CALCRL: variants seen among roughly 807,000 people sequenced by gnomAD.
CALCRL encodes calcitonin receptor like receptor.
CALCRL carries 27 observed loss-of-function variants against 60.4 expected under a neutral mutation model. The observed-to-expected ratio is 0.45, with a 90% CI of 0.33 to 0.62. The LOEUF (loss-of-function observed/expected upper bound fraction) is 0.62. Ranked by LOEUF, CALCRL falls within the 20% of genes least tolerant of loss-of-function variation. The pLI, the probability that CALCRL is intolerant of heterozygous loss-of-function variation, is 0.03. For synonymous variants in CALCRL, 190 were observed against 182.6 expected (o/e 1.04, Z -0.33); for missense variants, 424 against 540.7 (o/e 0.78, Z 2.14).
chr2:187,358,723 G>T (rs2105721591), intron 12 of CALCRL, among the ~76,000 whole-genome samples: 1 of 152,166 alleles, frequency 6.6e-6, no homozygotes, highest in South Asian at 2.1e-4. Context: ...TGTGGTTTTG[G>T]CAGTGGTTGT....
intron 1 of CALCRL, among the ~76,000 whole-genome samples, chr2:187,426,634 T>C (rs1690147012): frequency 6.6e-6 from 1 of 152,068 alleles, no homozygotes; most frequent in Non-Finnish European, 1.5e-5. Flanking sequence ...TTCACTGATA[T>C]ATATTAGATT....
chr2:187,383,438 A>G, intron 4 of CALCRL, 133 bp from the exon 5 acceptor site: 1 of 611,562 alleles, frequency 1.6e-6, no homozygotes, highest in Non-Finnish European at 2.6e-6. Flanking sequence ...CGCTCTAGGG[A>G]AAAAACCCCA....
intron 1 of CALCRL, among the ~76,000 whole-genome samples, chr2:187,410,724 A>G (rs967509251): frequency 1.3e-5 from 2 of 152,136 alleles, no homozygotes; most frequent in Non-Finnish European, 2.9e-5. Flanking sequence ...GAAGAATGTT[A>G]AGGATGAAGA....
chr2:187,416,071 GTAT>G (rs1689592062), intron 1 of CALCRL, among the ~76,000 whole-genome samples: 1 of 152,082 alleles, frequency 6.6e-6, no homozygotes, highest in Non-Finnish European at 1.5e-5. Flanking sequence ...CAGGTATAAA[GTAT>G]TATTGAAAAA....
intron 1 of CALCRL, among the ~76,000 whole-genome samples, chr2:187,434,843 G>C (rs1690562595): frequency 6.6e-6 from 1 of 152,166 alleles, no homozygotes; most frequent in Non-Finnish European, 1.5e-5. Context: ...GAAGAAGCAA[G>C]TCTTCAAAGA....
chr2:187,387,671 C>T lies in CALCRL; in HGVS notation c.-207G>A, dbSNP rs1688264011. On this transcript the variant is annotated 5_prime_UTR_variant, in exon 2 of 15. It adds an upstream start codon to the 5' untranslated region. Coordinates refer to ENST00000392370, the MANE Select transcript of CALCRL (RefSeq NM_005795.6). ...TTTAATTTCCCAATACTTACATGCA[C>T]AATTGTCTCCAGTCTCAAATCACAT... 2.5e-6 allele frequency: 1 copy of T among 396,752 alleles called. No homozygotes were observed. The highest frequency in any genetic ancestry group is 4.4e-6 in the Non-Finnish European group (1 of 225,112). The allele number at this position is 396,752 out of a possible 1,614,324, so 24.6% of individuals were successfully genotyped here.
chr2:187,421,787 A>G (rs1326823429), intron 1 of CALCRL, among the ~76,000 whole-genome samples: 1 of 152,190 alleles, frequency 6.6e-6, no homozygotes, highest in Admixed American at 6.5e-5. Flanking sequence ...GCTCCAAACC[A>G]GTTCAGTGTC....
chr2:187,346,093 T>G lies in CALCRL; in HGVS notation c.*91A>C. 1 of 728,154 alleles carries G rather than the reference T, an allele frequency of 1.4e-6. No homozygotes were observed. The highest frequency in any genetic ancestry group is 2.3e-6 in the Non-Finnish European group (1 of 442,650). 45.1% of individuals were successfully genotyped at this position (728,154 alleles called of 1,614,324 possible). On this transcript the variant is annotated 3_prime_UTR_variant, in exon 15 of 15. Transcript: ENST00000392370. ...TTCTTTATGACATTCAAAAAGTCAT[T>G]TAATATTGAAGTCTTCTGGCTACAG...
intron 1 of CALCRL, among the ~76,000 whole-genome samples, chr2:187,435,579 A>G (rs1479705282): frequency 6.6e-6 from 1 of 152,144 alleles, no homozygotes; most frequent in African/African-American, 2.4e-5. Flanking sequence ...TCTTAATTAT[A>G]AAGGTTTTTG....
At chr2:187,353,032 A>G (rs185637563) in intron 12 of CALCRL, among the ~76,000 whole-genome samples, 1 of 152,006 alleles carries the variant, frequency 6.6e-6, no homozygotes, top group African/African-American at 2.4e-5. Context: ...AAGAGACAGT[A>G]GTTTCTTTGG....
At chr2:187,379,189 C>T (rs1035719658) in intron 7 of CALCRL, among the ~76,000 whole-genome samples, 158 bp from the exon 8 acceptor site, 6 of 152,024 alleles carry the variant, frequency 3.9e-5, no homozygotes, top group Non-Finnish European at 7.4e-5. Context: ...CCAATAAATA[C>T]TTGAACGTGT....
In CALCRL at chr2:187,385,698, CAG is replaced by C. The variant is rs1435530034; in HGVS notation, c.-36-69_-36-68del. 1.1e-5 allele frequency: 9 copies of C among 789,022 alleles called. No individual in the cohort carries two copies. In the African/African-American group the frequency reaches 1.6e-4, roughly 14 times the overall value. 48.9% of individuals were successfully genotyped at this position (789,022 alleles called of 1,614,324 possible). A position where few individuals can be genotyped will look rare whatever the true frequency, so the allele number is the denominator to read the frequency against. Reference sequence around the variant, plus strand: ...TGAAATAAATGCAGATGATTCTCAACAGAAAATTTATTTTAAAACTACACAAT... The same window carrying C: ...TGAAATAAATGCAGATGATTCTCAACAAAATTTATTTTAAAACTACACAAT... On this transcript the variant is annotated intron_variant, in intron 3 of 14. Coordinates refer to ENST00000392370, the MANE Select transcript of CALCRL (RefSeq NM_005795.6).
chr2:187,359,968 A>C (rs1364880603), intron 10 of CALCRL, among the ~76,000 whole-genome samples: 1 of 152,062 alleles, frequency 6.6e-6, no homozygotes, highest in African/African-American at 2.4e-5. Context: ...ATGATAATAG[A>C]TAAGTACAAC....
intron 1 of CALCRL, among the ~76,000 whole-genome samples, chr2:187,431,795 C>G (rs1690420486): frequency 6.6e-6 from 1 of 151,168 alleles, no homozygotes; most frequent in African/African-American, 2.4e-5. Context: ...TTAAAATGGC[C>G]AGTTTTGATA....
intron 5 of CALCRL, among the ~76,000 whole-genome samples, chr2:187,382,912 A>C (rs974139901): frequency 2.6e-5 from 4 of 152,188 alleles, no homozygotes; most frequent in Admixed American, 6.5e-5. Flanking sequence ...TGTTAATATT[A>C]ATACTTATTT....
At chr2:187,400,050 TTAAAAA>T (rs1160421070) in intron 1 of CALCRL, among the ~76,000 whole-genome samples, 2 of 151,402 alleles carry the variant, frequency 1.3e-5, no homozygotes, top group Non-Finnish European at 3.0e-5. Flanking sequence ...GTAAATACAG[TTAAAAA>T]TAATTTATAT....
intron 1 of CALCRL, among the ~76,000 whole-genome samples, chr2:187,410,970 T>G (rs891696889): frequency 1.3e-5 from 2 of 152,120 alleles, no homozygotes; most frequent in Admixed American, 1.3e-4. Flanking sequence ...CCTTCCGACT[T>G]TTATATAAAA....
chr2:187,380,004 A>G (rs989981842), intron 7 of CALCRL, among the ~76,000 whole-genome samples: 4 of 152,230 alleles, frequency 2.6e-5, no homozygotes, highest in Non-Finnish European at 4.4e-5. Flanking sequence ...TCCAATGTGT[A>G]GTGTTTAAGG....
chr2:187,358,369 A>C (rs1686894135), intron 12 of CALCRL, among the ~76,000 whole-genome samples: 1 of 152,074 alleles, frequency 6.6e-6, no homozygotes, highest in African/African-American at 2.4e-5. Context: ...TAAAATAATA[A>C]AAATAATAAT....
Sources: gnomAD v4.1 joint callset for allele counts (sites outside exome capture counted in the v4.1 genomes callset) on GRCh38, gnomAD v4.1.1 for gene constraint, MANE v1.5 for transcripts, NCBI Gene and HGNC (gene_info 2026-07-23, HGNC 2026-07-21) for gene names.